Variants in NKAIN2 observed in about 807,000 individuals in gnomAD.
The protein encoded by NKAIN2 is sodium/potassium transporting ATPase interacting 2.
A neutral mutation model predicts 32.6 loss-of-function variants in NKAIN2; 14 were observed. The ratio of observed to expected loss-of-function variants is 0.43; its 90% CI spans 0.28 to 0.67. NKAIN2 has a LOEUF of 0.67. Among genes scored for constraint, NKAIN2 ranks in the 30% least tolerant of loss-of-function variants. The probability of loss-of-function intolerance (pLI) is 0.17; values close to 1 mark genes in which losing one functional copy is unlikely to be tolerated. For synonymous variants in NKAIN2, 80 were observed against 87.2 expected, an observed-to-expected ratio of 0.92 and a Z score of 0.46; for missense variants, 198 against 258.3, an observed-to-expected ratio of 0.77 and a Z score of 1.60.
intron 3 of NKAIN2, among the ~76,000 whole-genome samples, chr6:124,507,457 A>T (rs1221631188): frequency 6.6e-6 from 1 of 152,130 alleles, no homozygotes; most frequent in Non-Finnish European, 1.5e-5. Flanking sequence ...CAGGACCATG[A>T]TATTTTAATT....
chr6:124,306,344 T>G (rs531089389), intron 2 of NKAIN2, among the ~76,000 whole-genome samples: 1 of 152,232 alleles, frequency 6.6e-6, no homozygotes, highest in South Asian at 2.1e-4. Context: ...GAATGTTGTA[T>G]TTTTACTCCT....
intron 4 of NKAIN2, among the ~76,000 whole-genome samples, chr6:124,714,088 C>T (rs1452925927): frequency 6.6e-6 from 1 of 152,232 alleles, no homozygotes; most frequent in Non-Finnish European, 1.5e-5. Flanking sequence ...ATACCTGACC[C>T]TAACTCATTG....
At chr6:124,718,321 A>G (rs559284737) in intron 4 of NKAIN2, among the ~76,000 whole-genome samples, 4 of 152,280 alleles carry the variant, frequency 2.6e-5, no homozygotes, top group African/African-American at 4.8e-5. Context: ...TCTGAGTGCA[A>G]TCATACGACA....
At chr6:124,743,398 T>A (rs932404980) in intron 4 of NKAIN2, among the ~76,000 whole-genome samples, 7 of 151,794 alleles carry the variant, frequency 4.6e-5, no homozygotes, top group African/African-American at 1.7e-4. Flanking sequence ...TAGTCCATCA[T>A]TAAAATTAGT....
chr6:124,028,389 C>T (rs1190542712), intron 1 of NKAIN2, among the ~76,000 whole-genome samples: 1 of 94,632 alleles, frequency 1.1e-5, no homozygotes, highest in African/African-American at 4.3e-5. Context: ...AGTAGGGCCA[C>T]TTGAGGTGGG....
chr6:124,577,543 C>T lies in NKAIN2; in HGVS notation c.274-80643C>T, dbSNP rs144538279. ...CTCACCAGAAAGAAATTGCCCTTCC[C>T]AGACGTCAGAACCTGAATTCTGGTA... is the stretch of plus-strand genomic sequence containing the variant. On this transcript the variant is annotated intron_variant, in intron 3 of 6. Coordinates refer to ENST00000368417, the MANE Select transcript of NKAIN2 (RefSeq NM_001040214.3). Among the ~76,000 whole-genome samples, 665 of 152,246 alleles carry T rather than the reference C, an allele frequency of 4.4e-3. 6 individuals are homozygous for T. Among genetic ancestry groups the T allele is most frequent in the Admixed American group, 6.7e-3 (103 of 15,292 alleles).
intron 3 of NKAIN2, among the ~76,000 whole-genome samples, chr6:124,517,289 G>A (rs1291219734): frequency 1.3e-5 from 2 of 152,122 alleles, no homozygotes; most frequent in South Asian, 2.1e-4. Flanking sequence ...TGAAGAGGGA[G>A]CAATATTATA....
At chr6:124,217,782 T>C (rs1392167995) in intron 1 of NKAIN2, among the ~76,000 whole-genome samples, 2 of 111,884 alleles carry the variant, frequency 1.8e-5, no homozygotes, top group African/African-American at 2.6e-5. Flanking sequence ...TATATATATA[T>C]ATGTACACAC....
intron 1 of NKAIN2, among the ~76,000 whole-genome samples, chr6:123,903,302 G>T (rs1774695196): frequency 6.6e-6 from 1 of 151,984 alleles, no homozygotes; most frequent in Non-Finnish European, 1.5e-5. Context: ...TGTTGTTGTT[G>T]TTTTTTTGCT....
At chr6:123,911,882 A>G (rs1299324455) in intron 1 of NKAIN2, among the ~76,000 whole-genome samples, 1 of 142,006 alleles carries the variant, frequency 7.0e-6, no homozygotes, top group Non-Finnish European at 1.5e-5. Context: ...CCAACCCCCA[A>G]GGGCATATTT....
In NKAIN2 at chr6:123,808,255, G is replaced by A. The variant is rs544372600; in HGVS notation, c.54+4001G>A. Among the ~76,000 whole-genome samples, 5 of 152,082 alleles carry A rather than the reference G, an allele frequency of 3.3e-5. No homozygotes were observed. In the East Asian group the frequency reaches 9.7e-4, roughly 29 times the overall value. Reference sequence around the variant, plus strand: ...ACTTTATCTGCCACAAAACTTCCTGGCTCAGAGAATTTTAACTTTTTAGGA... The same window carrying A: ...ACTTTATCTGCCACAAAACTTCCTGACTCAGAGAATTTTAACTTTTTAGGA... On this transcript the variant is annotated intron_variant, in intron 1 of 6. Coordinates refer to ENST00000368417, the MANE Select transcript of NKAIN2 (RefSeq NM_001040214.3).
rs184535298 is a variant in NKAIN2 at position 124,570,743 on chromosome 6, G to T, written c.274-87443G>T. Reference sequence around the variant, plus strand: ...TGCTAGGGCAGTATGGAAGGGAAATGTGGGGTTATGGGGTTGGAGCTCCCA... The same window carrying T: ...TGCTAGGGCAGTATGGAAGGGAAATTTGGGGTTATGGGGTTGGAGCTCCCA... On this transcript the variant is annotated intron_variant, in intron 3 of 6. Coordinates refer to ENST00000368417, the MANE Select transcript of NKAIN2 (RefSeq NM_001040214.3). 5.0e-3 allele frequency among the ~76,000 whole-genome samples: 763 copies of T among 152,360 alleles called. 9 individuals carry two copies. Among genetic ancestry groups the T allele is most frequent in the African/African-American group, 0.018 (729 of 41,586 alleles).
At chr6:124,455,854 G>GC (rs1776300844) in intron 3 of NKAIN2, among the ~76,000 whole-genome samples, 1 of 151,846 alleles carries the variant, frequency 6.6e-6, no homozygotes, top group South Asian at 2.1e-4. Flanking sequence ...TGTCCCTTCA[G>GC]CCTGATTGGT....
At chr6:124,511,618 A>C (rs1778717132) in intron 3 of NKAIN2, among the ~76,000 whole-genome samples, 1 of 152,182 alleles carries the variant, frequency 6.6e-6, no homozygotes, top group Admixed American at 6.5e-5. Context: ...TATCTGACGA[A>C]AGTAATGTAA....
intron 2 of NKAIN2, among the ~76,000 whole-genome samples, chr6:124,300,978 A>T (rs1043850263): frequency 6.6e-6 from 1 of 152,214 alleles, no homozygotes; most frequent in African/African-American, 2.4e-5. Context: ...CATAAGTAAC[A>T]AGGAGCCAAA....
intron 2 of NKAIN2, among the ~76,000 whole-genome samples, chr6:124,317,408 AG>A (rs945369537): frequency 2.0e-5 from 3 of 152,042 alleles, no homozygotes; most frequent in African/African-American, 7.2e-5. Flanking sequence ...AACATTTTGG[AG>A]GGACTAGTTT....
At chr6:124,712,647 A>G (rs1327222080) in intron 4 of NKAIN2, among the ~76,000 whole-genome samples, 1 of 151,132 alleles carries the variant, frequency 6.6e-6, no homozygotes, top group Non-Finnish European at 1.5e-5. Flanking sequence ...GCGCTTCCCA[A>G]GTGAGGCAAT....
chr6:124,321,740 C>T (rs1264712842), intron 2 of NKAIN2, among the ~76,000 whole-genome samples: 1 of 152,106 alleles, frequency 6.6e-6, no homozygotes, highest in Non-Finnish European at 1.5e-5. Flanking sequence ...TGCAGTTCAT[C>T]CCTGGACTTT....
At chr6:124,232,454 A>T (rs770785201) in intron 1 of NKAIN2, among the ~76,000 whole-genome samples, 2 of 152,188 alleles carry the variant, frequency 1.3e-5, no homozygotes, top group African/African-American at 4.8e-5. Context: ...AAAATGATAA[A>T]TAGCAGAATC....
Sources: gnomAD v4.1 joint callset for allele counts (sites outside exome capture counted in the v4.1 genomes callset) on GRCh38, gnomAD v4.1.1 for gene constraint, MANE v1.5 for transcripts, NCBI Gene and HGNC (gene_info 2026-07-23, HGNC 2026-07-21) for gene names.